NISCH: variants seen among roughly 807,000 people sequenced by gnomAD.
NISCH encodes the protein I-1 receptor candidate protein.
Under a neutral mutation model 138.4 loss-of-function variants are expected in NISCH, and 55 were observed. The observed-to-expected ratio is 0.40, with a 90% CI of 0.32 to 0.50. NISCH has a LOEUF of 0.50. NISCH is among the 20% of genes least tolerant of loss of function. The probability of loss-of-function intolerance (pLI) is 0.71; values close to 1 mark genes in which losing one functional copy is unlikely to be tolerated. For synonymous variants in NISCH, 860 were observed against 861.5 expected (o/e 1.00, Z 0.03); for missense variants, 1,643 against 2,005.5 (o/e 0.82, Z 3.45).
intron 16 of NISCH, 47 bp from the exon 17 acceptor site, chr3:52,489,289 C>A: frequency 6.3e-7 from 1 of 1,576,756 alleles, no homozygotes; most frequent in Non-Finnish European, 8.6e-7. Context: ...CGATGTGAAT[C>A]TTCATTTGGG....
rs979319716 is a variant in NISCH at position 52,485,968 on chromosome 3, A to G, written c.1703+141A>G. Reference sequence around the variant, plus strand: ...TATAGAACTATTTCTTCCTCTAAAGAGACACAGATGAGATGGACTTTTCAA... The same window carrying G: ...TATAGAACTATTTCTTCCTCTAAAGGGACACAGATGAGATGGACTTTTCAA... On this transcript the variant is annotated intron_variant, in intron 15 of 20. Transcript: ENST00000345716. 21 of 731,696 alleles carry G rather than the reference A, an allele frequency of 2.9e-5. No homozygotes were observed. The African/African-American group carries it at 3.4e-4, about 12-fold the overall frequency. The allele number at this position is 731,696 out of a possible 1,614,324, so 45.3% of individuals were successfully genotyped here. A position where few individuals can be genotyped will look rare whatever the true frequency, so the allele number is the denominator to read the frequency against.
At chr3:52,473,900 T>A in intron 7 of NISCH, 71 bp downstream of exon 7, 1 of 994,418 alleles carries the variant, frequency 1.0e-6, no homozygotes, top group Non-Finnish European at 1.5e-6. Context: ...TCTCCACCAC[T>A]AAGGATGGGT....
chr3:52,479,158 C>G (rs1177820350), intron 11 of NISCH, among the ~76,000 whole-genome samples: 2 of 152,190 alleles, frequency 1.3e-5, no homozygotes. Context: ...GATGCCATCT[C>G]CTCCCCTCCT....
chr3:52,464,947 C>T (rs1430922758), intron 3 of NISCH, among the ~76,000 whole-genome samples: 7 of 152,270 alleles, frequency 4.6e-5, no homozygotes, highest in South Asian at 2.1e-4. Context: ...GGATAACAGG[C>T]GTAAGCCACC....
chr3:52,476,615 C>T lies in NISCH; in HGVS notation c.918+16C>T. On this transcript the variant is annotated intron_variant, in intron 8 of 20. Coordinates refer to ENST00000345716, the MANE Select transcript of NISCH (RefSeq NM_007184.4). ...CGAGTCTGTGGTATGCTCTCAGCAG[C>T]AGGTGCCAGGGGTTTCTCTGGCCCC... The T allele has an allele frequency of 6.2e-7, 1 of 1,613,644 alleles. No homozygotes were observed. The highest frequency in any genetic ancestry group is 8.5e-7 in the Non-Finnish European group (1 of 1,179,626).
At chr3:52,490,043 G>C in intron 17 of NISCH, 32 bp from the exon 18 acceptor site, 1 of 1,612,442 alleles carries the variant, frequency 6.2e-7, no homozygotes, top group Middle Eastern at 1.7e-4. Flanking sequence ...TTGCTAGGGT[G>C]GTGGAGCTGA....
At chr3:52,483,130 T>G (rs1259592580) in intron 13 of NISCH, among the ~76,000 whole-genome samples, 1 of 152,136 alleles carries the variant, frequency 6.6e-6, no homozygotes, top group African/African-American at 2.4e-5. Context: ...TCAGGGTGCT[T>G]CATGCATGGC....
chr3:52,470,288 C>T (rs1706908201), intron 3 of NISCH, among the ~76,000 whole-genome samples: 1 of 152,052 alleles, frequency 6.6e-6, no homozygotes, highest in Non-Finnish European at 1.5e-5. Context: ...TTTCTTGGGA[C>T]CCTGGGGCTG....
chr3:52,478,656 A>C, intron 11 of NISCH, 79 bp downstream of exon 11: 1 of 1,346,756 alleles, frequency 7.4e-7, no homozygotes, highest in South Asian at 1.2e-5. Context: ...AGGGGGATAT[A>C]TGTCCATTGT....
At chr3:52,468,392 A>T (rs778321808) in intron 3 of NISCH, among the ~76,000 whole-genome samples, 1 of 152,218 alleles carries the variant, frequency 6.6e-6, no homozygotes, top group African/African-American at 2.4e-5. Context: ...TGAGGTGGGC[A>T]GAGATTGGCA....
intron 3 of NISCH, among the ~76,000 whole-genome samples, chr3:52,467,400 G>C (rs1169414853): frequency 6.6e-6 from 1 of 152,150 alleles, no homozygotes; most frequent in African/African-American, 2.4e-5. Context: ...TGTGGGCTCG[G>C]GCCACTCACA....
intron 13 of NISCH, chr3:52,481,973 C>G: frequency 1.1e-6 from 1 of 950,512 alleles, no homozygotes; most frequent in Non-Finnish European, 1.3e-6. Context: ...TAAGGACTCT[C>G]CTGATGTCTC....
At chr3:52,488,724 CT>C (rs1188342363) in intron 16 of NISCH, 119 bp downstream of exon 16, 86 of 849,174 alleles carry the variant, frequency 1.0e-4, no homozygotes, top group South Asian at 4.3e-4. Context: ...CCCTCCCCCC[CT>C]GCCCCTCGCC....
At position 52,487,610 on chromosome 3, in the gene NISCH, C is replaced by T. The variant is rs1033302391; in HGVS notation, c.2118C>T (p.Arg706=). 3.1e-6 allele frequency: 5 copies of T among 1,613,854 alleles called. No individual in the cohort carries two copies. Among genetic ancestry groups the T allele is most frequent in the Admixed American group, 3.3e-5 (2 of 59,992 alleles). ...AGGACTTCCTGCTGGAGCACATCCG[C>T]ATCCTCAAGGTGCTGTGGTGCTTCC... ...ADEDFLLEHI[R]ILKVLWCFLI... The change falls in exon 16 of 21, where the codon CGC becomes CGT. Residue 706 remains arginine, a synonymous_variant. Coordinates refer to ENST00000345716, the MANE Select transcript of NISCH (RefSeq NM_007184.4). This position sits in a 1 kb window ranked among gnomAD's most constrained non-coding sequence, Gnocchi z 9.1.
chr3:52,463,368 G>C (rs1305638165), intron 3 of NISCH, among the ~76,000 whole-genome samples: 2 of 152,184 alleles, frequency 1.3e-5, no homozygotes, highest in Non-Finnish European at 2.9e-5. Context: ...ATGGATGTTA[G>C]GTTTGTTTCC....
rs1707230788 is a variant in NISCH at position 52,480,244 on chromosome 3, A to G, written c.1477A>G (p.Thr493Ala). The G allele has an allele frequency of 6.2e-7, 1 of 1,613,542 alleles. No homozygotes were observed. Among genetic ancestry groups the G allele is most frequent in the African/African-American group, 1.3e-5 (1 of 74,802 alleles). ...PCIRPSSSPP[T>A]VAPASASLPQ... ...CATCAGACCCAGCAGCTCCCCTCCC[A>G]CTGTGGCTCCCGCATCTGCCTCCCT... Residue 493 changes from threonine (T) to alanine (A), a missense_variant, in exon 13 of 21, where the codon ACT becomes GCT. Coordinates refer to ENST00000345716, the MANE Select transcript of NISCH (RefSeq NM_007184.4).
At chr3:52,465,547 G>A (rs1197214816) in intron 3 of NISCH, among the ~76,000 whole-genome samples, 1 of 152,212 alleles carries the variant, frequency 6.6e-6, no homozygotes, top group East Asian at 1.9e-4. Flanking sequence ...GCACTGGCCT[G>A]TTGCTATGCT....
chr3:52,462,717 C>G (rs1706670421), intron 3 of NISCH, among the ~76,000 whole-genome samples: 1 of 152,220 alleles, frequency 6.6e-6, no homozygotes, highest in South Asian at 2.1e-4. Context: ...CTCACTGCAA[C>G]CTCCACCTCC....
rs907067001 is a variant in NISCH at position 52,473,857 on chromosome 3, G to A, written c.765+28G>A. The A allele has an allele frequency of 4.6e-6, 7 of 1,505,688 alleles. No individual in the cohort carries two copies. The East Asian group carries it at 9.3e-5, about 20-fold the overall frequency. The allele number at this position is 1,505,688 out of a possible 1,614,324, so 93.3% of individuals were successfully genotyped here. A position where few individuals can be genotyped will look rare whatever the true frequency, so the allele number is the denominator to read the frequency against. ...AAGCTTCACCTATATCCTGCCTGGG[G>A]CAATGTCTGTGGATCAGGGTCCTGG... is the stretch of plus-strand genomic sequence containing the variant. On this transcript the variant is annotated intron_variant, in intron 7 of 20. Coordinates refer to ENST00000345716, the MANE Select transcript of NISCH (RefSeq NM_007184.4).
Sources: gnomAD v4.1 joint callset for allele counts (sites outside exome capture counted in the v4.1 genomes callset) on GRCh38, gnomAD v4.1.1 for gene constraint, Gnocchi (gnomAD v3.1) non-coding constraint, MANE v1.5 for transcripts, NCBI Gene and HGNC (gene_info 2026-07-23, HGNC 2026-07-21) for gene names.